The following VIT variants were observed in gnomAD, a reference collection of about 807,000 sequenced individuals.
VIT encodes the protein vitrin.
In VIT, 99 loss-of-function variants were observed where a neutral mutation model predicts 78.0. The observed-to-expected ratio is 1.27, with a 90% CI of 1.08 to 1.50. VIT has a LOEUF of 1.50. VIT is among the 40% of genes most tolerant of loss of function. The pLI, the probability that VIT is intolerant of heterozygous loss-of-function variation, is 0.00. For missense variants in VIT, 1,126 were observed against 875.3 expected, an observed-to-expected ratio of 1.29 and a Z score of -3.61; for synonymous variants, 374 against 334.3, an observed-to-expected ratio of 1.12 and a Z score of -1.29.
At chr2:36,808,321 G>A (rs1666879568) in intron 14 of VIT, 151 bp from the exon 15 acceptor site, 4 of 1,154,644 alleles carry the variant, frequency 3.5e-6, no homozygotes, top group Non-Finnish European at 4.7e-6. Flanking sequence ...GTGGCCGCTG[G>A]GTGAACCGAG....
intron 1 of VIT, among the ~76,000 whole-genome samples, chr2:36,704,431 A>G (rs1665282850): frequency 6.6e-6 from 1 of 152,228 alleles, no homozygotes. Context: ...GAAGAAGAGC[A>G]AAGGGATCAA....
chr2:36,733,412 A>C (rs964416220), intron 3 of VIT, among the ~76,000 whole-genome samples: 11 of 152,106 alleles, frequency 7.2e-5, no homozygotes, highest in Middle Eastern at 3.2e-3. Flanking sequence ...GAGAGAATCT[A>C]ATTGCATCAG....
At chr2:36,721,749 G>C (rs1435243535) in intron 2 of VIT, among the ~76,000 whole-genome samples, 1 of 152,076 alleles carries the variant, frequency 6.6e-6, no homozygotes, top group Admixed American at 6.5e-5. Flanking sequence ...ACAAGCCTTT[G>C]AACATGCCTT....
At chr2:36,747,452 A>G (rs565115214) in intron 4 of VIT, among the ~76,000 whole-genome samples, 1 of 152,220 alleles carries the variant, frequency 6.6e-6, no homozygotes, top group East Asian at 1.9e-4. Context: ...GACTAGAAGT[A>G]CTTGTTTTAT....
chr2:36,787,778 A>G lies in VIT; in HGVS notation c.1058+502A>G, dbSNP rs987687622. 8 of 448,596 alleles carry G rather than the reference A, an allele frequency of 1.8e-5. No homozygotes were observed. The East Asian group carries it at 3.5e-4, about 20-fold the overall frequency. The allele number at this position is 448,596 out of a possible 1,614,324, so 27.8% of individuals were successfully genotyped here. A position where few individuals can be genotyped will look rare whatever the true frequency, so the allele number is the denominator to read the frequency against. Reference sequence around the variant, plus strand: ...TAGGTTGTATCTTCTCTTTTCTCCAAATAACCTTAGGCCCCTGCACTGGTA... The same window carrying G: ...TAGGTTGTATCTTCTCTTTTCTCCAGATAACCTTAGGCCCCTGCACTGGTA... On this transcript the variant is annotated intron_variant, in intron 12 of 15. Coordinates refer to ENST00000379242, the MANE Select transcript of VIT (RefSeq NM_053276.4).
At chr2:36,705,652 T>G (rs1665370383) in intron 1 of VIT, among the ~76,000 whole-genome samples, 1 of 152,200 alleles carries the variant, frequency 6.6e-6, no homozygotes, top group South Asian at 2.1e-4. Flanking sequence ...GCTGCAGGAT[T>G]TTCTCTAACT....
intron 1 of VIT, among the ~76,000 whole-genome samples, chr2:36,703,965 G>A (rs1161934008): frequency 2.8e-5 from 4 of 145,152 alleles, no homozygotes; most frequent in Non-Finnish European, 4.5e-5. Context: ...TCACTCTGTC[G>A]CCAGGCTGGA....
rs1669953677 is a variant in VIT at position 36,774,795 on chromosome 2, C to T, written c.737-207C>T. On this transcript the variant is annotated intron_variant, in intron 8 of 15. Coordinates refer to ENST00000379242, the MANE Select transcript of VIT (RefSeq NM_053276.4). ...CAGACTCGTGGGACTCTACAGGAGCCCAATCCATGGAGCACTGTTTCCTCC... is the reference window on the plus strand; with the variant it reads ...CAGACTCGTGGGACTCTACAGGAGCTCAATCCATGGAGCACTGTTTCCTCC... The T allele has an allele frequency of 6.1e-6, 6 of 985,272 alleles. No individual in the cohort carries two copies. In the South Asian group the frequency reaches 2.8e-4, roughly 46 times the overall value. 61.0% of individuals were successfully genotyped at this position (985,272 alleles called of 1,614,324 possible).
At chr2:36,706,395 G>C (rs995472199) in intron 1 of VIT, among the ~76,000 whole-genome samples, 4 of 152,082 alleles carry the variant, frequency 2.6e-5, no homozygotes, top group African/African-American at 9.7e-5. Flanking sequence ...CAAGTCAAAG[G>C]CTCAAAAACA....
intron 1 of VIT, among the ~76,000 whole-genome samples, chr2:36,716,011 T>G (rs914569852): frequency 6.6e-6 from 1 of 152,238 alleles, no homozygotes; most frequent in Non-Finnish European, 1.5e-5. Flanking sequence ...AAATATGTTT[T>G]CTGAATGCCA....
chr2:36,795,245 T>G (rs1665791490), intron 12 of VIT, among the ~76,000 whole-genome samples: 1 of 152,118 alleles, frequency 6.6e-6, no homozygotes, highest in South Asian at 2.1e-4. Flanking sequence ...CAGGAACTTT[T>G]GCAGTCATTT....
chr2:36,783,530 G>A (rs1401575547), intron 11 of VIT, 128 bp downstream of exon 11: 1 of 863,124 alleles, frequency 1.2e-6, no homozygotes, highest in Non-Finnish European at 1.8e-6. Context: ...CCTCTCTTCT[G>A]ACACCTTGTT....
At chr2:36,706,233 G>C (rs1665410416) in intron 1 of VIT, among the ~76,000 whole-genome samples, 1 of 152,136 alleles carries the variant, frequency 6.6e-6, no homozygotes, top group African/African-American at 2.4e-5. Flanking sequence ...CTGCTTTGAT[G>C]CTACCAAAAG....
At chr2:36,708,436 C>T (rs1665588765) in intron 1 of VIT, among the ~76,000 whole-genome samples, 1 of 152,164 alleles carries the variant, frequency 6.6e-6, no homozygotes, top group African/African-American at 2.4e-5. Context: ...TACATGTCTG[C>T]TAGGGCAGAT....
chr2:36,772,299 G>A (rs1301450908), intron 7 of VIT, among the ~76,000 whole-genome samples: 1 of 152,082 alleles, frequency 6.6e-6, no homozygotes, highest in African/African-American at 2.4e-5. Flanking sequence ...CACTTCGGGA[G>A]GCTAAGGCAG....
chr2:36,812,677 C>G (rs535513352), intron 15 of VIT, among the ~76,000 whole-genome samples: 1 of 152,136 alleles, frequency 6.6e-6, no homozygotes, highest in African/African-American at 2.4e-5. Flanking sequence ...ACTCCATGTT[C>G]TGCTCCAGTT....
intron 2 of VIT, among the ~76,000 whole-genome samples, chr2:36,723,407 G>A (rs1169235858): frequency 1.3e-5 from 2 of 152,096 alleles, no homozygotes; most frequent in South Asian, 2.1e-4. Flanking sequence ...GAATGGCCCT[G>A]CCTGCTTATA....
intron 15 of VIT, among the ~76,000 whole-genome samples, chr2:36,813,085 C>A (rs1667303159): frequency 1.3e-5 from 2 of 149,848 alleles, no homozygotes; most frequent in Non-Finnish European, 3.0e-5. Context: ...CGTGATCCAC[C>A]CACCTCAGCC....
rs141665993 is a variant in VIT, at chr2:36,808,574, C to G, written c.1492C>G (p.Arg498Gly). The G allele has an allele frequency of 6.2e-7, 1 of 1,613,988 alleles. No homozygotes were observed. The highest frequency in any genetic ancestry group is 1.3e-5 in the African/African-American group (1 of 74,914). Residue 498 changes from arginine (R) to glycine (G), a missense_variant, in exon 15 of 16, where the codon CGC becomes GGC. Coordinates refer to ENST00000379242, the MANE Select transcript of VIT (RefSeq NM_053276.4). The part of the protein sequence containing the change: ...PLVKRVCDTD[R>G]LACSKTCLNS... Reference sequence around the variant, plus strand: ...GGTGAAGCGGGTCTGCGACACTGACCGCCTGGCCTGCAGCAAGACCTGCTT... The same window carrying G: ...GGTGAAGCGGGTCTGCGACACTGACGGCCTGGCCTGCAGCAAGACCTGCTT...
Sources: allele counts gnomAD v4.1 joint callset (sites outside exome capture counted in the v4.1 genomes callset), GRCh38; gene constraint gnomAD v4.1.1; transcripts MANE v1.5; gene names NCBI Gene and HGNC (gene_info 2026-07-23, HGNC 2026-07-21).